Variants in PRKCZ observed in about 807,000 individuals in gnomAD.
PRKCZ encodes the protein protein kinase C zeta.
In PRKCZ, 33 loss-of-function variants were observed where a neutral mutation model predicts 79.5. The ratio of observed to expected loss-of-function variants is 0.41; its 90% CI spans 0.31 to 0.55. The LOEUF (loss-of-function observed/expected upper bound fraction) is 0.55, where lower values mean the gene tolerates loss of function less well. PRKCZ is among the 20% of genes least tolerant of loss of function. PRKCZ has a pLI of 0.19. For synonymous variants in PRKCZ, 342 were observed against 320.9 expected (o/e 1.07, Z -0.70); for missense variants, 578 against 813.5 (o/e 0.71, Z 3.52).
Position 2,172,980 on chromosome 1 carries a change from CGG to C in PRKCZ, c.1285+595_1285+596del, listed in dbSNP as rs747841858. Among the ~76,000 whole-genome samples the C allele has an allele frequency of 1.3e-5, 2 of 151,566 alleles. No individual in the cohort carries two copies. Among genetic ancestry groups the C allele is most frequent in the South Asian group, 4.2e-4 (2 of 4,818 alleles). On this transcript the variant is annotated intron_variant, in intron 13 of 17. Transcript: ENST00000378567. This position sits in a 1 kb window ranked among gnomAD's most constrained non-coding sequence, Gnocchi z 7.8. ...TGCAGCCGTGTGTGCGTGTGTGAAA[CGG>C]GGACGTGGGCACGCGTGTGCAGCCC...
At chr1:2,120,535 A>T (rs1481797485) in intron 4 of PRKCZ, among the ~76,000 whole-genome samples, 1 of 151,500 alleles carries the variant, frequency 6.6e-6, no homozygotes, top group Non-Finnish European at 1.5e-5. Flanking sequence ...ACTCCTGATC[A>T]TACATCCACC....
intron 4 of PRKCZ, among the ~76,000 whole-genome samples, chr1:2,065,678 C>CAAAAAAAA (rs61017134): frequency 1.5e-3 from 84 of 56,114 alleles, no homozygotes; most frequent in African/African-American, 4.8e-3. Context: ...GACTCTGTCT[C>CAAAAAAAA]AAAAAAAAAA....
chr1:2,104,203 C>T (rs1176817259), intron 4 of PRKCZ, among the ~76,000 whole-genome samples: 4 of 152,130 alleles, frequency 2.6e-5, no homozygotes, highest in African/African-American at 9.7e-5. Context: ...GAACTTTCCC[C>T]AGGGCCCTCA....
intron 10 of PRKCZ, among the ~76,000 whole-genome samples, chr1:2,159,651 G>A (rs974889980): frequency 6.6e-6 from 1 of 152,304 alleles, no homozygotes; most frequent in Non-Finnish European, 1.5e-5. Context: ...TCCACTGGGC[G>A]GCTACAGGGA....
intron 4 of PRKCZ, among the ~76,000 whole-genome samples, chr1:2,062,735 A>G (rs1035185401): frequency 6.6e-6 from 1 of 151,814 alleles, no homozygotes; most frequent in Non-Finnish European, 1.5e-5. Flanking sequence ...TGACCTACCC[A>G]TCTTGGCCTC....
At position 2,125,474 on chromosome 1, in the gene PRKCZ, G is replaced by A. The variant is rs1673685840; in HGVS notation, c.335-9788G>A. ...AGCATTTGAGGACGGTGGGGCGGAG[G>A]ACATCCTGGGGGGCCTGGCTTCTTG... is the stretch of plus-strand genomic sequence containing the variant. On this transcript the variant is annotated intron_variant, in intron 4 of 17. Transcript: ENST00000378567. The surrounding 1 kb of genome is among the most constrained non-coding windows in gnomAD (Gnocchi z 4.2). Among the ~76,000 whole-genome samples the A allele has an allele frequency of 6.6e-6, 1 of 152,162 alleles. No individual in the cohort carries two copies. Among genetic ancestry groups the A allele is most frequent in the African/African-American group, 2.4e-5 (1 of 41,436 alleles).
chr1:2,052,012 C>G (rs760682625), intron 1 of PRKCZ, among the ~76,000 whole-genome samples: 4 of 152,156 alleles, frequency 2.6e-5, no homozygotes, highest in Non-Finnish European at 5.9e-5. Flanking sequence ...GTCTTTTGGC[C>G]TGGAGGTCAG....
chr1:2,105,963 C>T (rs890433843), intron 4 of PRKCZ, among the ~76,000 whole-genome samples: 6 of 152,214 alleles, frequency 3.9e-5, no homozygotes, highest in Non-Finnish European at 7.3e-5. Context: ...GAGTGGCACC[C>T]CCTGAGGATG....
intron 2 of PRKCZ, chr1:2,055,803 G>T (rs1245678993): frequency 2.0e-6 from 1 of 491,330 alleles, no homozygotes. Context: ...GCCTGCAGGG[G>T]GTCTCCCTGC....
chr1:2,131,655 G>A (rs1401137), intron 4 of PRKCZ, among the ~76,000 whole-genome samples: 11,786 of 152,170 alleles, frequency 0.077, 1,566 homozygotes, highest in African/African-American at 0.27. Flanking sequence ...CACTGCCCCC[G>A]GCAGCCAGCC....
At chr1:2,166,712 A>G (rs1683396196) in intron 10 of PRKCZ, among the ~76,000 whole-genome samples, 1 of 151,874 alleles carries the variant, frequency 6.6e-6, no homozygotes, top group African/African-American at 2.4e-5. Flanking sequence ...TGTGGCTACC[A>G]GGACATGGAG....
chr1:2,101,261 T>G (rs1387287048), intron 4 of PRKCZ, among the ~76,000 whole-genome samples: 1 of 152,198 alleles, frequency 6.6e-6, no homozygotes, highest in Non-Finnish European at 1.5e-5. Flanking sequence ...TTACTAAAGC[T>G]GTCTTGCATC....
intron 9 of PRKCZ, among the ~76,000 whole-genome samples, chr1:2,155,364 ATGGTGATGACAG>A (rs1414310702): frequency 6.0e-5 from 9 of 150,958 alleles, no homozygotes; most frequent in Admixed American, 2.0e-4. Context: ...GACGGTGATG[ATGGTGATGACAG>A]TGGTGATGAT....
At chr1:2,057,557 T>A (rs1331377278) in intron 3 of PRKCZ, among the ~76,000 whole-genome samples, 7 of 152,286 alleles carry the variant, frequency 4.6e-5, no homozygotes, top group African/African-American at 1.4e-4. Context: ...GCCCTTTATA[T>A]CAATGAGGCT....
At position 2,127,882 on chromosome 1, in the gene PRKCZ, G is replaced by A. The variant is rs902493636; in HGVS notation, c.335-7380G>A. ...CCCCAAACTCCAGTGTCTGGGCCAC[G>A]GGCAGCCCTGGGACACCTTAGCTCT... On this transcript the variant is annotated intron_variant, in intron 4 of 17. Transcript: ENST00000378567. The surrounding 1 kb of genome is among the most constrained non-coding windows in gnomAD (Gnocchi z 5.1). Among the ~76,000 whole-genome samples, 8 of 152,204 alleles carry A rather than the reference G, an allele frequency of 5.3e-5. No individual in the cohort carries two copies. Among genetic ancestry groups the A allele is most frequent in the Non-Finnish European group, 1.0e-4 (7 of 68,044 alleles).
intron 4 of PRKCZ, chr1:2,098,395 G>A (rs1666897482): frequency 6.6e-6 from 1 of 152,238 alleles, no homozygotes; most frequent in Admixed American, 6.5e-5. Context: ...TAGTGGCTGT[G>A]GCCGGGAGGC....
intron 5 of PRKCZ, chr1:2,142,293 G>A (rs531936489): frequency 5.8e-4 from 117 of 200,884 alleles, no homozygotes; most frequent in African/African-American, 3.4e-3. Context: ...CAGCCGAAGC[G>A]CCTCCTTTCA....
rs1557767311 is a variant in PRKCZ, at chr1:2,185,095, C to T, written c.*86C>T. Reference sequence around the variant, plus strand: ...CCGCATATGCATGCCAGGCTGGGCACGGCTCCGAGGGCGGCCAGGGACAGA... The same window carrying T: ...CCGCATATGCATGCCAGGCTGGGCATGGCTCCGAGGGCGGCCAGGGACAGA... On this transcript the variant is annotated 3_prime_UTR_variant, in exon 18 of 18. Coordinates refer to ENST00000378567, the MANE Select transcript of PRKCZ (RefSeq NM_002744.6). The T allele has an allele frequency of 5.3e-6, 7 of 1,330,256 alleles. No individual in the cohort carries two copies. The highest frequency in any genetic ancestry group is 5.2e-6 in the Non-Finnish European group (5 of 952,932). The allele number at this position is 1,330,256 out of a possible 1,614,324, so 82.4% of individuals were successfully genotyped here.
chr1:2,105,245 G>A (rs550137784), intron 4 of PRKCZ, among the ~76,000 whole-genome samples: 4 of 152,314 alleles, frequency 2.6e-5, no homozygotes, highest in Admixed American at 2.6e-4. Context: ...GACCCCAGCA[G>A]CTGGTTTGTC....
Sources: allele counts gnomAD v4.1 joint callset (sites outside exome capture counted in the v4.1 genomes callset), GRCh38; gene constraint gnomAD v4.1.1; non-coding constraint Gnocchi (gnomAD v3.1); transcripts MANE v1.5; gene names NCBI Gene and HGNC (gene_info 2026-07-23, HGNC 2026-07-21).